GALNT13: variants seen among roughly 807,000 people sequenced by gnomAD.
GALNT13 encodes polypeptide N-acetylgalactosaminyltransferase 13, also known as UDP-GalNAc:polypeptide N-acetylgalactosaminyltransferase 13.
A neutral mutation model predicts 64.2 loss-of-function variants in GALNT13; 28 were observed. The observed-to-expected ratio is 0.44, with a 90% CI of 0.32 to 0.60. The LOEUF (loss-of-function observed/expected upper bound fraction) is 0.60, where lower values mean the gene tolerates loss of function less well. Among genes scored for constraint, GALNT13 ranks in the 20% least tolerant of loss-of-function variants. GALNT13 has a pLI of 0.05. For missense variants in GALNT13, 577 were observed against 669.8 expected, an observed-to-expected ratio of 0.86 and a Z score of 1.53; for synonymous variants, 214 against 224.6, an observed-to-expected ratio of 0.95 and a Z score of 0.42.
chr2:153,814,157 T>C, the GALNT13 span, among the ~76,000 whole-genome samples: 102 of 152,280 alleles, frequency 6.7e-4, no homozygotes, highest in Non-Finnish European at 7.1e-4. Context: ...TTAAAACAAT[T>C]TGGCCGGGCG....
chr2:154,297,567 G>A (rs550649663), intron 8 of GALNT13, among the ~76,000 whole-genome samples: 1 of 152,254 alleles, frequency 6.6e-6, no homozygotes, highest in African/African-American at 2.4e-5. Context: ...CCCTTATGAG[G>A]AACTGACCAT....
the GALNT13 span, among the ~76,000 whole-genome samples, chr2:153,462,600 A>C: frequency 2.1e-4 from 32 of 152,196 alleles, no homozygotes; most frequent in African/African-American, 6.7e-4. Context: ...ACTGAAATAA[A>C]TCTATGCAAC....
chr2:153,542,156 A>G, the GALNT13 span, among the ~76,000 whole-genome samples: 1 of 151,996 alleles, frequency 6.6e-6, no homozygotes, highest in East Asian at 1.9e-4. Context: ...CATCTCTACT[A>G]AAAATACAAA....
At chr2:153,579,991 A>T in the GALNT13 span, among the ~76,000 whole-genome samples, 11 of 152,154 alleles carry the variant, frequency 7.2e-5, no homozygotes, top group South Asian at 4.1e-4. Flanking sequence ...AACGGCTCAA[A>T]TATGGTGAAT....
the GALNT13 span, among the ~76,000 whole-genome samples, chr2:153,215,589 A>T: frequency 6.6e-6 from 1 of 152,090 alleles, no homozygotes; most frequent in African/African-American, 2.4e-5. Flanking sequence ...TTCCAAGGAC[A>T]CAAAAGAAGG....
intron 2 of GALNT13, among the ~76,000 whole-genome samples, chr2:153,917,010 A>G (rs1689397120): frequency 6.6e-6 from 1 of 152,188 alleles, no homozygotes; most frequent in South Asian, 2.1e-4. Flanking sequence ...TAAGTTATGA[A>G]ACTGACGAAA....
the GALNT13 span, among the ~76,000 whole-genome samples, chr2:153,575,449 C>T: frequency 6.6e-6 from 1 of 152,184 alleles, no homozygotes; most frequent in East Asian, 1.9e-4. Flanking sequence ...GTGTCTCTCT[C>T]TTCAAGGTGG....
intron 9 of GALNT13, among the ~76,000 whole-genome samples, chr2:154,311,627 G>T (rs111262131): frequency 0.021 from 3,176 of 151,488 alleles, 90 homozygotes; most frequent in African/African-American, 0.066. Flanking sequence ...CAGGACACAG[G>T]GTTTTGAGAT....
chr2:153,478,418 T>C, the GALNT13 span: 2 of 1,613,976 alleles, frequency 1.2e-6, no homozygotes, highest in African/African-American at 1.3e-5. Context: ...ATGTACAGGC[T>C]ACGCTCGTCC....
At chr2:154,415,283 C>T (rs527799489) in intron 11 of GALNT13, among the ~76,000 whole-genome samples, 24 of 152,138 alleles carry the variant, frequency 1.6e-4, no homozygotes, top group Admixed American at 4.6e-4. Flanking sequence ...TGAATAGCAG[C>T]ACATCTTTAA....
chr2:153,483,162 T>C, the GALNT13 span, among the ~76,000 whole-genome samples: 1 of 152,284 alleles, frequency 6.6e-6, no homozygotes, highest in South Asian at 2.1e-4. Flanking sequence ...AAAAACATTA[T>C]GGTGGTTCCT....
At chr2:153,833,003 T>G in the GALNT13 span, among the ~76,000 whole-genome samples, 1 of 152,160 alleles carries the variant, frequency 6.6e-6, no homozygotes, top group Non-Finnish European at 1.5e-5. Flanking sequence ...AATGGGAAAT[T>G]CCAGAAATAA....
chr2:154,415,225 T>A (rs79871282), intron 11 of GALNT13, among the ~76,000 whole-genome samples: 3,801 of 152,112 alleles, frequency 0.025, 173 homozygotes, highest in African/African-American at 0.087. Flanking sequence ...CATTTTACTT[T>A]GAAACTAATC....
intron 4 of GALNT13, among the ~76,000 whole-genome samples, chr2:154,142,549 CAAAAAAAAAAAA>C (rs71396392): frequency 3.0e-5 from 2 of 66,494 alleles, no homozygotes; most frequent in Non-Finnish European, 5.7e-5. Flanking sequence ...AACTCTGTCT[CAAAAAAAAAAAA>C]AAAAAAAAAA....
chr2:153,097,419 T>C, the GALNT13 span, among the ~76,000 whole-genome samples: 115 of 152,278 alleles, frequency 7.6e-4, 1 homozygote, highest in African/African-American at 2.7e-3. Context: ...GAGCTTTCTA[T>C]TGTGCCATCT....
At chr2:153,395,692 T>G in the GALNT13 span, among the ~76,000 whole-genome samples, 11 of 152,220 alleles carry the variant, frequency 7.2e-5, no homozygotes, top group Non-Finnish European at 5.9e-5. Context: ...AATGTTTGTC[T>G]TAGTTGAAAA....
At chr2:153,806,680 TA>T in the GALNT13 span, among the ~76,000 whole-genome samples, 652 of 135,154 alleles carry the variant, frequency 4.8e-3, 3 homozygotes, top group Middle Eastern at 0.012. Flanking sequence ...TGTCAATTTG[TA>T]AAAAAAAAAA....
chr2:153,645,794 T>C, the GALNT13 span, among the ~76,000 whole-genome samples: 1 of 152,126 alleles, frequency 6.6e-6, no homozygotes, highest in African/African-American at 2.4e-5. Flanking sequence ...ACATTCCTTT[T>C]TCCTGTGCAA....
At chr2:154,131,585 C>T (rs1682621010) in intron 3 of GALNT13, among the ~76,000 whole-genome samples, 1 of 152,102 alleles carries the variant, frequency 6.6e-6, no homozygotes, top group African/African-American at 2.4e-5. Flanking sequence ...CCACTTTGTA[C>T]CTGTCACTAT....
Sources: gnomAD v4.1 joint callset for allele counts (sites outside exome capture counted in the v4.1 genomes callset) on GRCh38, gnomAD v4.1.1 for gene constraint, MANE v1.5 for transcripts, NCBI Gene and HGNC (gene_info 2026-07-23, HGNC 2026-07-21) for gene names.